Variants in LRP1B observed in about 807,000 individuals in gnomAD.
LRP1B encodes low-density lipoprotein receptor-related protein 1B.
Under a neutral mutation model 556.6 loss-of-function variants are expected in LRP1B, and 217 were observed. That is an observed-to-expected ratio of 0.39 (90% CI 0.35 to 0.44). The LOEUF is 0.44. Among genes scored for constraint, LRP1B ranks in the 20% least tolerant of loss-of-function variants. LRP1B has a pLI of 1.00. For missense variants in LRP1B, 5,053 were observed against 5,620.8 expected, an observed-to-expected ratio of 0.90 and a Z score of 3.23; for synonymous variants, 2,047 against 1,865.8, an observed-to-expected ratio of 1.10 and a Z score of -2.50.
chr2:142,059,055 C>T (rs1704793480), intron 1 of LRP1B, among the ~76,000 whole-genome samples: 1 of 152,074 alleles, frequency 6.6e-6, no homozygotes, highest in African/African-American at 2.4e-5. Context: ...CTTCACTTCT[C>T]TGAATGACAA....
intron 3 of LRP1B, among the ~76,000 whole-genome samples, chr2:141,361,195 T>A (rs1190052328): frequency 6.6e-6 from 1 of 152,176 alleles, no homozygotes; most frequent in East Asian, 1.9e-4. Context: ...CAATGACAAC[T>A]TTAGCTACAG....
At chr2:140,765,688 TTG>T (rs1477710000) in intron 35 of LRP1B, among the ~76,000 whole-genome samples, 6 of 152,096 alleles carry the variant, frequency 3.9e-5, no homozygotes, top group Non-Finnish European at 7.4e-5. Flanking sequence ...AAAAAACAAT[TTG>T]TTCATTGTAG....
intron 31 of LRP1B, 76 bp from the exon 32 acceptor site, chr2:140,813,882 G>T: frequency 9.6e-7 from 1 of 1,039,126 alleles, no homozygotes; most frequent in Non-Finnish European, 1.4e-6. Flanking sequence ...CACTGGATTT[G>T]AGGGGAAAAA....
rs546001750 is a variant in LRP1B, at chr2:140,464,015, G to A, written c.9626-6364C>T. On this transcript the variant is annotated intron_variant, in intron 60 of 90. Coordinates refer to ENST00000389484, the MANE Select transcript of LRP1B (RefSeq NM_018557.3). ...GTTCGAGACCAGCCTGGCCAATATG[G>A]TGAACCAACATCTCTACTAAAAATA... 1.3e-4 allele frequency among the ~76,000 whole-genome samples: 20 copies of A among 152,046 alleles called. No homozygotes were observed. In the South Asian group the frequency reaches 3.9e-3, roughly 30 times the overall value.
chr2:140,331,932 G>C (rs1164699581), intron 79 of LRP1B, among the ~76,000 whole-genome samples: 1 of 151,756 alleles, frequency 6.6e-6, no homozygotes, highest in Non-Finnish European at 1.5e-5. Context: ...CCTGACCTCA[G>C]GTGATCTGCC....
At chr2:140,626,868 T>C (rs1383735465) in intron 41 of LRP1B, among the ~76,000 whole-genome samples, 1 of 152,096 alleles carries the variant, frequency 6.6e-6, no homozygotes, top group Non-Finnish European at 1.5e-5. Flanking sequence ...TATATGAATA[T>C]CAGTCTTGAC....
At position 141,108,127 on chromosome 2, in the gene LRP1B, A is replaced by C. The variant is rs756930267; in HGVS notation, c.1014-45854T>G. 2.7e-3 allele frequency among the ~76,000 whole-genome samples: 417 copies of C among 152,216 alleles called. 1 individual carries two copies. Among genetic ancestry groups the C allele is most frequent in the Non-Finnish European group, 3.9e-3 (263 of 68,016 alleles). ...AAGTCAACACTAAAGGAGGAATTGT[A>C]ATCTGCATTCCTCCCAAGAAGTCCG... On this transcript the variant is annotated intron_variant, in intron 7 of 90. Transcript: ENST00000389484.
chr2:141,531,978 T>C (rs1684890586), intron 2 of LRP1B, among the ~76,000 whole-genome samples: 1 of 152,124 alleles, frequency 6.6e-6, no homozygotes, highest in African/African-American at 2.4e-5. Flanking sequence ...GAAAAGTCAC[T>C]GTTTGTGCTG....
intron 41 of LRP1B, among the ~76,000 whole-genome samples, chr2:140,628,609 A>G (rs988657060): frequency 4.6e-5 from 7 of 152,140 alleles, no homozygotes. Context: ...AAGTACAAAA[A>G]AATTAATGAT....
At chr2:142,068,191 T>C (rs1192498206) in intron 1 of LRP1B, among the ~76,000 whole-genome samples, 2 of 151,536 alleles carry the variant, frequency 1.3e-5, no homozygotes, top group Non-Finnish European at 3.0e-5. Flanking sequence ...TTTTATGAAA[T>C]GCAGTAAAAT....
chr2:140,528,449 T>A (rs148836042), intron 47 of LRP1B, among the ~76,000 whole-genome samples: 1 of 151,982 alleles, frequency 6.6e-6, no homozygotes, highest in African/African-American at 2.4e-5. Flanking sequence ...AAGGAAGAAG[T>A]TCGCAGGACA....
chr2:141,782,380 C>T (rs1444896741), intron 2 of LRP1B, among the ~76,000 whole-genome samples: 6 of 152,116 alleles, frequency 3.9e-5, no homozygotes, highest in Middle Eastern at 3.4e-3. Context: ...CCCGCTTATG[C>T]ATGTTTTTGA....
intron 86 of LRP1B, among the ~76,000 whole-genome samples, chr2:140,257,318 A>G (rs1681738889): frequency 6.6e-6 from 1 of 152,194 alleles, no homozygotes; most frequent in African/African-American, 2.4e-5. Flanking sequence ...AAATGGATAA[A>G]CAGTTAAGAG....
At chr2:140,852,196 A>C (rs781313947) in intron 27 of LRP1B, among the ~76,000 whole-genome samples, 31 of 152,242 alleles carry the variant, frequency 2.0e-4, no homozygotes, top group Non-Finnish European at 2.1e-4. Flanking sequence ...GCGTGGTGAC[A>C]CACACCTCTA....
chr2:140,491,039 T>C (rs528482409), intron 57 of LRP1B, among the ~76,000 whole-genome samples: 1 of 152,210 alleles, frequency 6.6e-6, no homozygotes, highest in Admixed American at 6.6e-5. Context: ...AGTAGTTCTG[T>C]TATGTGAAAT....
intron 20 of LRP1B, among the ~76,000 whole-genome samples, chr2:140,934,630 G>A (rs531991015): frequency 1.3e-5 from 2 of 152,106 alleles, no homozygotes; most frequent in Non-Finnish European, 2.9e-5. Flanking sequence ...GGAGCAGCTT[G>A]CACACAGCTT....
intron 2 of LRP1B, among the ~76,000 whole-genome samples, chr2:141,527,360 AAAAC>A (rs2105185159): frequency 6.6e-6 from 1 of 152,212 alleles, no homozygotes; most frequent in Admixed American, 6.6e-5. Context: ...ATGTATAAAA[AAAAC>A]ATTGTTTCTG....
chr2:141,187,340 A>G (rs2105189770), intron 7 of LRP1B, among the ~76,000 whole-genome samples: 1 of 152,188 alleles, frequency 6.6e-6, no homozygotes, highest in South Asian at 2.1e-4. Context: ...ACTTTAAGTA[A>G]AGAGTGACGA....
chr2:141,982,538 C>T (rs1036576919), intron 1 of LRP1B, among the ~76,000 whole-genome samples: 10 of 152,110 alleles, frequency 6.6e-5, no homozygotes, highest in African/African-American at 2.4e-4. Flanking sequence ...TATTTGAACG[C>T]TAAAACCACA....
Sources: gnomAD v4.1 joint callset for allele counts (sites outside exome capture counted in the v4.1 genomes callset) on GRCh38, gnomAD v4.1.1 for gene constraint, MANE v1.5 for transcripts, NCBI Gene and HGNC (gene_info 2026-07-23, HGNC 2026-07-21) for gene names.